Variants in SHANK2 observed in about 807,000 individuals in gnomAD.
SHANK2 encodes the protein SH3 and multiple ankyrin repeat domains 2.
In SHANK2, 43 loss-of-function variants were observed where a neutral mutation model predicts 133.7. That is an observed-to-expected ratio of 0.32 (90% CI 0.25 to 0.41). The LOEUF (loss-of-function observed/expected upper bound fraction) is 0.41, where lower values mean the gene tolerates loss of function less well. Among genes scored for constraint, SHANK2 ranks in the 10% least tolerant of loss-of-function variants. The pLI is 1.00. For missense variants in SHANK2, 1,994 were observed against 2,235.8 expected, an observed-to-expected ratio of 0.89 and a Z score of 2.18; for synonymous variants, 1,017 against 952.8, an observed-to-expected ratio of 1.07 and a Z score of -1.24.
chr11:71,062,400 C>T (rs1376259864), intron 9 of SHANK2, among the ~76,000 whole-genome samples: 3 of 152,230 alleles, frequency 2.0e-5, no homozygotes, highest in Non-Finnish European at 4.4e-5. Context: ...CAGTTCCCAT[C>T]TGGGGCCTGG....
chr11:70,477,839 T>C (rs2058683193), intron 25 of SHANK2, among the ~76,000 whole-genome samples: 1 of 152,110 alleles, frequency 6.6e-6, no homozygotes, highest in South Asian at 2.1e-4. Context: ...CTTGACTCTC[T>C]TGGTTAATCA....
chr11:70,800,639 A>C (rs1040592949), intron 13 of SHANK2, among the ~76,000 whole-genome samples: 1 of 152,234 alleles, frequency 6.6e-6, no homozygotes, highest in Admixed American at 6.5e-5. Flanking sequence ...TAACTGAAAC[A>C]GATCAGCCAC....
intron 17 of SHANK2, among the ~76,000 whole-genome samples, chr11:70,655,547 A>C (rs2061395814): frequency 6.6e-6 from 1 of 152,204 alleles, no homozygotes; most frequent in Non-Finnish European, 1.5e-5. Context: ...CAGCTGCTAT[A>C]AACAAGGACA....
At chr11:71,078,220 C>T (rs1344440972) in intron 8 of SHANK2, among the ~76,000 whole-genome samples, 1 of 151,310 alleles carries the variant, frequency 6.6e-6, no homozygotes, top group Non-Finnish European at 1.5e-5. Context: ...GACACAGGAG[C>T]CATCCTGAAG....
chr11:70,689,985 T>G (rs1945240269), intron 15 of SHANK2, among the ~76,000 whole-genome samples: 1 of 151,060 alleles, frequency 6.6e-6, no homozygotes, highest in Non-Finnish European at 1.5e-5. Context: ...ATTTGATAAC[T>G]AGGGAATTTC....
chr11:71,229,106 C>T (rs1045389432), intron 1 of SHANK2, among the ~76,000 whole-genome samples: 36 of 152,222 alleles, frequency 2.4e-4, no homozygotes, highest in African/African-American at 7.0e-4. Flanking sequence ...AGAACATCTG[C>T]GAAGAAACAT....
chr11:70,786,234 C>T (rs900092141), intron 14 of SHANK2, among the ~76,000 whole-genome samples: 6 of 152,232 alleles, frequency 3.9e-5, no homozygotes, highest in African/African-American at 1.4e-4. Flanking sequence ...CCACCCTGGG[C>T]TGTCTCTGGC....
At chr11:70,493,469 T>TA (rs1181443856) in intron 21 of SHANK2, among the ~76,000 whole-genome samples, 1 of 151,494 alleles carries the variant, frequency 6.6e-6, no homozygotes, top group Non-Finnish European at 1.5e-5. Context: ...AGCACATTTT[T>TA]TTTTTTTTTT....
intron 17 of SHANK2, among the ~76,000 whole-genome samples, chr11:70,608,022 A>C (rs1387595602): frequency 6.6e-6 from 1 of 152,222 alleles, no homozygotes; most frequent in African/African-American, 2.4e-5. Flanking sequence ...CACACAGAAA[A>C]GGCAGTGCCA....
At chr11:70,902,418 C>T (rs1005494113) in intron 10 of SHANK2, among the ~76,000 whole-genome samples, 6 of 152,232 alleles carry the variant, frequency 3.9e-5, no homozygotes, top group East Asian at 1.9e-4. Context: ...GCCAAGTGTG[C>T]GGCCGAGGTC....
chr11:70,647,943 C>T (rs995558554), intron 17 of SHANK2, among the ~76,000 whole-genome samples: 19 of 152,140 alleles, frequency 1.2e-4, no homozygotes, highest in African/African-American at 2.2e-4. Flanking sequence ...GAACTGAAAA[C>T]GAAAACTGGT....
chr11:70,485,615 T>C lies in SHANK2; in HGVS notation c.4678A>G (p.Asn1560Asp), dbSNP rs1443818621. 4 of 1,613,912 alleles carry C rather than the reference T, an allele frequency of 2.5e-6. No individual in the cohort carries two copies. Among genetic ancestry groups the C allele is most frequent in the South Asian group, 1.1e-5 (1 of 91,078 alleles). Residue 1560 changes from asparagine to aspartate, a missense_variant, in exon 25 of 26, where the codon AAT becomes GAT. Physicochemically the swap from Asn to Asp is conservative, Grantham distance 23. This residue lies in a region of SHANK2 where 797 missense variants were observed against 907.4 expected (regional missense o/e 0.88). Transcript: ENST00000601538. The surrounding 1 kb of genome is among the most constrained non-coding windows in gnomAD (Gnocchi z 5.8). ...PKMKPIIHKS[N>D]ALYQDALVEE... ...ACGAGCGCGTCTTGATAAAGTGCAT[T>C]GCTTTTGTGAATGATGGGCTTCATT...
intron 11 of SHANK2, among the ~76,000 whole-genome samples, chr11:70,895,907 C>T (rs1376749577): frequency 6.6e-6 from 1 of 151,798 alleles, no homozygotes; most frequent in Admixed American, 6.6e-5. Context: ...AGGAATAGAG[C>T]TTACCCAGAG....
chr11:71,070,469 G>A (rs974408349), intron 9 of SHANK2, among the ~76,000 whole-genome samples: 1 of 152,198 alleles, frequency 6.6e-6, no homozygotes, highest in African/African-American at 2.4e-5. Context: ...AGAAGAGGGG[G>A]CACACAGGCA....
At chr11:70,793,774 T>C (rs1947847802) in intron 14 of SHANK2, among the ~76,000 whole-genome samples, 1 of 152,170 alleles carries the variant, frequency 6.6e-6, no homozygotes, top group Non-Finnish European at 1.5e-5. Flanking sequence ...TGTGTGGTAG[T>C]TTCTTATAAA....
At chr11:71,223,452 T>A (rs1302115841) in intron 2 of SHANK2, among the ~76,000 whole-genome samples, 1 of 152,252 alleles carries the variant, frequency 6.6e-6, no homozygotes, top group Non-Finnish European at 1.5e-5. Context: ...ATTTTTCTTG[T>A]CATTATTCCC....
chr11:71,196,764 G>C (rs973320829), intron 2 of SHANK2, among the ~76,000 whole-genome samples: 1 of 151,228 alleles, frequency 6.6e-6, no homozygotes, highest in Non-Finnish European at 1.5e-5. Flanking sequence ...TTGGGAGGCC[G>C]AGGCAGGCAG....
At position 70,708,103 on chromosome 11, in the gene SHANK2, G is replaced by A. The variant is rs377652696; in HGVS notation, c.1778-9340C>T. 2.6e-5 allele frequency among the ~76,000 whole-genome samples: 4 copies of A among 152,332 alleles called. No homozygotes were observed. In the East Asian group the frequency reaches 5.8e-4, roughly 22 times the overall value. ...AGGCAGGGCCCTGCCTTCTGCCCTC[G>A]ATGACCAGGAAAAGCCCTGGCGTCC... On this transcript the variant is annotated intron_variant, in intron 14 of 25. Transcript: ENST00000601538.
intron 17 of SHANK2, among the ~76,000 whole-genome samples, chr11:70,594,207 G>T (rs192229491): frequency 6.6e-6 from 1 of 152,202 alleles, no homozygotes; most frequent in Non-Finnish European, 1.5e-5. Flanking sequence ...ATATGATTCG[G>T]CCACAAAAAG....
Sources: allele counts gnomAD v4.1 joint callset (sites outside exome capture counted in the v4.1 genomes callset), GRCh38; gene constraint gnomAD v4.1.1; regional missense constraint gnomAD v4.1.1; non-coding constraint Gnocchi (gnomAD v3.1); transcripts MANE v1.5; gene names NCBI Gene and HGNC (gene_info 2026-07-23, HGNC 2026-07-21).